Variants in ARL15 observed in about 807,000 individuals in gnomAD.
ARL15 encodes the protein ADP-ribosylation factor-like protein 15.
A neutral mutation model predicts 25.2 loss-of-function variants in ARL15; 19 were observed. The ratio of observed to expected loss-of-function variants is 0.75; its 90% CI spans 0.53 to 1.10. The LOEUF (loss-of-function observed/expected upper bound fraction) is 1.10. Among genes scored for constraint, ARL15 ranks in the 50% least tolerant of loss-of-function variants. The probability of loss-of-function intolerance (pLI) is 0.00; values close to 1 mark genes in which losing one functional copy is unlikely to be tolerated. For synonymous variants in ARL15, 94 were observed against 86.8 expected, an observed-to-expected ratio of 1.08 and a Z score of -0.46; for missense variants, 220 against 246.0, an observed-to-expected ratio of 0.89 and a Z score of 0.71.
intron 4 of ARL15, among the ~76,000 whole-genome samples, chr5:54,024,587 G>A (rs1446069784): frequency 6.6e-6 from 1 of 152,078 alleles, no homozygotes; most frequent in Non-Finnish European, 1.5e-5. Flanking sequence ...TGTATAATGA[G>A]GATTCCTAAG....
At chr5:54,190,566 C>T (rs1755371182) in intron 1 of ARL15, among the ~76,000 whole-genome samples, 1 of 152,134 alleles carries the variant, frequency 6.6e-6, no homozygotes. Context: ...TGGTGAGGGC[C>T]TTCTGCTACA....
intron 4 of ARL15, among the ~76,000 whole-genome samples, chr5:54,070,555 T>C (rs1045141425): frequency 3.9e-5 from 6 of 151,902 alleles, no homozygotes; most frequent in Non-Finnish European, 8.8e-5. Flanking sequence ...GAAATACATT[T>C]CTTGGTTGGG....
rs912045067 is a variant in ARL15, at chr5:54,199,703, A to G, written c.49-27775T>C. Among the ~76,000 whole-genome samples, 78 of 151,402 alleles carry G rather than the reference A, an allele frequency of 5.2e-4. 1 individual carries two copies. The East Asian group carries it at 0.015, about 29-fold the overall frequency. On this transcript the variant is annotated intron_variant, in intron 1 of 4. Coordinates refer to ENST00000504924, the MANE Select transcript of ARL15 (RefSeq NM_019087.3). ...ACTCTTACACTGTTGGTGGGACTGT[A>G]AACTAGTTCAACCATTGTGGAAGTC...
chr5:54,281,258 G>A (rs960543530), intron 1 of ARL15, among the ~76,000 whole-genome samples: 1 of 152,028 alleles, frequency 6.6e-6, no homozygotes, highest in Non-Finnish European at 1.5e-5. Context: ...TCCTGCCTCA[G>A]CCTCCCAAGT....
intron 4 of ARL15, among the ~76,000 whole-genome samples, chr5:54,035,750 T>A (rs1490948182): frequency 6.6e-6 from 1 of 152,236 alleles, no homozygotes; most frequent in East Asian, 1.9e-4. Flanking sequence ...CCGATACATT[T>A]TTTGTTTTAA....
chr5:53,965,139 A>C (rs1747506522), intron 4 of ARL15, among the ~76,000 whole-genome samples: 1 of 152,240 alleles, frequency 6.6e-6, no homozygotes, highest in Non-Finnish European at 1.5e-5. Flanking sequence ...GTAGATTTTC[A>C]CACAATTGAA....
chr5:53,994,206 T>C (rs1748595374), intron 4 of ARL15, among the ~76,000 whole-genome samples: 1 of 152,208 alleles, frequency 6.6e-6, no homozygotes, highest in South Asian at 2.1e-4. Context: ...GCTCATATAA[T>C]GACATTTAAG....
At chr5:54,150,794 T>A (rs1377499961) in intron 3 of ARL15, among the ~76,000 whole-genome samples, 4 of 146,382 alleles carry the variant, frequency 2.7e-5, no homozygotes, top group Admixed American at 1.4e-4. Context: ...CAAGACTCTG[T>A]CTCAAAAATA....
At chr5:54,126,723 C>T (rs575602653) in intron 3 of ARL15, among the ~76,000 whole-genome samples, 1 of 152,352 alleles carries the variant, frequency 6.6e-6, no homozygotes, top group African/African-American at 2.4e-5. Context: ...CCTTCTGCCA[C>T]AGGATAACAC....
chr5:54,308,896 T>C (rs1279408180), intron 1 of ARL15, among the ~76,000 whole-genome samples: 1 of 152,214 alleles, frequency 6.6e-6, no homozygotes, highest in Non-Finnish European at 1.5e-5. Flanking sequence ...TAGCTTTTAG[T>C]AGTACAGGCA....
chr5:54,114,479 G>C (rs1752841383), intron 3 of ARL15, among the ~76,000 whole-genome samples: 1 of 145,758 alleles, frequency 6.9e-6, no homozygotes, highest in South Asian at 2.3e-4. Context: ...ATTCCTCTTT[G>C]TATTTCCATT....
At chr5:54,204,815 G>C (rs1755819627) in intron 1 of ARL15, among the ~76,000 whole-genome samples, 1 of 152,098 alleles carries the variant, frequency 6.6e-6, no homozygotes. Flanking sequence ...TCATTTAGTA[G>C]TTATCGCTCA....
chr5:54,232,124 C>G (rs569353079), intron 1 of ARL15, among the ~76,000 whole-genome samples: 3 of 152,180 alleles, frequency 2.0e-5, no homozygotes, highest in Non-Finnish European at 4.4e-5. Flanking sequence ...CTCTTTAAGT[C>G]TCAGCCTCCA....
chr5:54,242,582 A>G (rs1432558953), intron 1 of ARL15, among the ~76,000 whole-genome samples: 1 of 152,174 alleles, frequency 6.6e-6, no homozygotes, highest in Non-Finnish European at 1.5e-5. Context: ...CTGGGAACAA[A>G]TATTTTCTTG....
Position 53,885,092 on chromosome 5 carries a change from C to A in ARL15, c.*1469G>T, listed in dbSNP as rs1744476199. ...ATGGCATTAAGGGTCTGAAGTCTAT[C>A]TTCTGGAGAATTACCAGGTATTACA... On this transcript the variant is annotated 3_prime_UTR_variant, in exon 5 of 5. Transcript: ENST00000504924. 6.6e-6 allele frequency: 1 copy of A among 152,526 alleles called. No individual in the cohort carries two copies. Among genetic ancestry groups the A allele is most frequent in the Non-Finnish European group, 1.5e-5 (1 of 68,026 alleles). The allele number at this position is 152,526 out of a possible 1,614,324, so 9.4% of individuals were successfully genotyped here. A position where few individuals can be genotyped will look rare whatever the true frequency, so the allele number is the denominator to read the frequency against.
At chr5:53,953,910 T>C (rs995486015) in intron 4 of ARL15, among the ~76,000 whole-genome samples, 1 of 152,138 alleles carries the variant, frequency 6.6e-6, no homozygotes, top group African/African-American at 2.4e-5. Flanking sequence ...GGTTTTCCAT[T>C]TCAGACTAAG....
intron 1 of ARL15, among the ~76,000 whole-genome samples, chr5:54,210,530 C>A (rs1314148505): frequency 6.6e-6 from 1 of 152,086 alleles, no homozygotes; most frequent in Non-Finnish European, 1.5e-5. Flanking sequence ...ATCACAGAAC[C>A]CAAATTCACC....
intron 4 of ARL15, among the ~76,000 whole-genome samples, chr5:54,005,304 CTCT>C (rs1748990854): frequency 6.6e-6 from 1 of 152,212 alleles, no homozygotes; most frequent in African/African-American, 2.4e-5. Context: ...CCCTTCTGTT[CTCT>C]TCTTTAGTTC....
At chr5:53,928,761 G>T (rs779243177) in intron 4 of ARL15, among the ~76,000 whole-genome samples, 4 of 152,170 alleles carry the variant, frequency 2.6e-5, no homozygotes, top group Non-Finnish European at 5.9e-5. Flanking sequence ...ATTATACAAT[G>T]CTCAGCAGAG....
Sources: gnomAD v4.1 joint callset for allele counts (sites outside exome capture counted in the v4.1 genomes callset) on GRCh38, gnomAD v4.1.1 for gene constraint, MANE v1.5 for transcripts, NCBI Gene and HGNC (gene_info 2026-07-23, HGNC 2026-07-21) for gene names.